The following ADAR variants were observed in gnomAD, a reference collection of about 807,000 sequenced individuals.
The protein encoded by ADAR is double-stranded RNA-specific adenosine deaminase.
A neutral mutation model predicts 113.2 loss-of-function variants in ADAR; 41 were observed. That is an observed-to-expected ratio of 0.36 (90% confidence interval 0.28 to 0.47). The LOEUF is 0.47. ADAR is among the 20% of genes least tolerant of loss of function. The probability of loss-of-function intolerance (pLI) is 1.00; values close to 1 mark genes in which losing one functional copy is unlikely to be tolerated. For synonymous variants in ADAR, 605 were observed against 572.6 expected, an observed-to-expected ratio of 1.06 and a Z score of -0.81; for missense variants, 1,242 against 1,540.9, an observed-to-expected ratio of 0.81 and a Z score of 3.25.
chr1:154,589,718 G>A, intron 8 of ADAR, 39 bp downstream of exon 8: 2 of 1,613,712 alleles, frequency 1.2e-6, no homozygotes, highest in Non-Finnish European at 8.5e-7. Flanking sequence ...CCCGCTTTCA[G>A]GCGCCATGGG....
At chr1:154,606,321 C>T (rs933998952) in intron 1 of ADAR, among the ~76,000 whole-genome samples, 4 of 152,196 alleles carry the variant, frequency 2.6e-5, no homozygotes, top group African/African-American at 9.7e-5. Context: ...CATGAGCTAC[C>T]ACGCCCGGCC....
chr1:154,597,256 C>T lies in ADAR; in HGVS notation c.1946G>A (p.Cys649Tyr). 6.2e-7 allele frequency: 1 copy of T among 1,614,174 alleles called. No homozygotes were observed. The highest frequency in any genetic ancestry group is 8.5e-7 in the Non-Finnish European group (1 of 1,180,024). Reference sequence around the variant, plus strand: ...GAAAGTTTGGGCTCCCACTGCAACACAGTATTGGAACCTGACAGGAGATGA... The same window carrying T: ...GAAAGTTTGGGCTCCCACTGCAACATAGTATTGGAACCTGACAGGAGATGA... ...GPAHEPKFQY[C>Y]VAVGAQTFPS... The change falls in exon 5 of 15, where the codon TGT (cysteine) becomes TAT (tyrosine). Residue 649 changes from cysteine (C) to tyrosine (Y), a missense_variant. Physicochemically the swap from Cys to Tyr is radical, Grantham distance 194. Coordinates refer to ENST00000368474, the MANE Select transcript of ADAR (RefSeq NM_001111.5).
intron 1 of ADAR, among the ~76,000 whole-genome samples, chr1:154,625,417 C>T (rs747033817): frequency 2.6e-5 from 4 of 152,138 alleles, no homozygotes; most frequent in Admixed American, 6.5e-5. Flanking sequence ...CCAGCTTTGC[C>T]GTTAATTAAT....
intron 1 of ADAR, among the ~76,000 whole-genome samples, chr1:154,615,221 A>AT (rs894073890): frequency 3.3e-5 from 5 of 152,112 alleles, no homozygotes; most frequent in African/African-American, 1.2e-4. Flanking sequence ...GTTTGTGGTT[A>AT]TTTTTTTACA....
chr1:154,601,661 G>T lies in ADAR; in HGVS notation c.981C>A (p.Ala327=). The T allele has an allele frequency of 6.2e-7, 1 of 1,614,014 alleles. No individual in the cohort carries two copies. The highest frequency in any genetic ancestry group is 8.5e-7 in the Non-Finnish European group (1 of 1,180,034). ...CAATTAGCACAGCATTTATATCTCG[G>T]GCCTTGGTAAGGCCAATATTTTTAG... ...NLAKNIGLTK[A]RDINAVLIDM... The change falls in exon 2 of 15, where the codon GCC becomes GCA. Residue 327 remains alanine, a synonymous_variant. Coordinates refer to ENST00000368474, the MANE Select transcript of ADAR (RefSeq NM_001111.5). This position sits in a 1 kb window ranked among gnomAD's most constrained non-coding sequence, Gnocchi z 4.7.
At position 154,586,289 on chromosome 1, in the gene ADAR, G is replaced by A. The variant is rs762747734; in HGVS notation, c.3094C>T (p.Arg1032Cys). The stretch of plus-strand genomic sequence containing the variant: ...ATTTTGTCACTACAGGACATGGTAC[G>A]GAGTCTCTCCCCGAGCCGAATGCCA... ...WDGIRLGERL[R>C]TMSCSDKILR... The change falls in exon 12 of 15, where the codon CGT becomes TGT. Residue 1032 changes from arginine to cysteine, a missense_variant. Arg to Cys is a radical substitution (Grantham distance 180). Coordinates refer to ENST00000368474, the MANE Select transcript of ADAR (RefSeq NM_001111.5). 2.5e-6 allele frequency: 4 copies of A among 1,614,174 alleles called. No individual in the cohort carries two copies. The highest frequency in any genetic ancestry group is 2.2e-5 in the East Asian group (1 of 44,882).
In ADAR at chr1:154,606,615, A is replaced by C. The variant is rs568311547; in HGVS notation, c.15+1377T>G. 1.3e-4 allele frequency among the ~76,000 whole-genome samples: 20 copies of C among 152,220 alleles called. No individual in the cohort carries two copies. In the South Asian group the frequency reaches 3.5e-3, roughly 27 times the overall value. ...TTAATCTTTCTTTTTGCCCCCCTTA[A>C]ATCCCCTAAACACCAAGCCACCGTT... On this transcript the variant is annotated intron_variant, in intron 1 of 14. Coordinates refer to ENST00000368474, the MANE Select transcript of ADAR (RefSeq NM_001111.5).
chr1:154,620,870 C>G (rs1277340714), intron 1 of ADAR, among the ~76,000 whole-genome samples: 1 of 152,086 alleles, frequency 6.6e-6, no homozygotes, highest in Non-Finnish European at 1.5e-5. Flanking sequence ...CATAGTTATG[C>G]TCCCATGAAA....
chr1:154,597,897 C>T lies in ADAR; in HGVS notation c.1865G>A (p.Cys622Tyr), dbSNP rs776484151. 2 of 1,614,164 alleles carry T rather than the reference C, an allele frequency of 1.2e-6. No individual in the cohort carries two copies. The highest frequency in any genetic ancestry group is 2.2e-5 in the East Asian group (1 of 44,880). The change falls in exon 4 of 15, where the codon TGT becomes TAT. Residue 622 changes from cysteine (C) to tyrosine (Y), a missense_variant. This residue lies in a region of ADAR where 780 missense variants were observed against 1,057.9 expected (regional missense o/e 0.74). Transcript: ENST00000368474. The stretch of plus-strand genomic sequence containing the variant: ...GCAGGAGTTCCCCAATTTGTGCATA[C>T]ACTCAAGCAGTGTGGTGACGGGGCT... The part of the protein sequence containing the change: ...GKSPVTTLLE[C>Y]MHKLGNSCEF...
chr1:154,608,224 G>A (rs2101671606), upstream of ADAR: 2 of 569,386 alleles, frequency 3.5e-6, no homozygotes, highest in South Asian at 4.9e-5. Context: ...CTTCCCCTCC[G>A]GAAAGTTTGG....
chr1:154,584,065 A>C lies in ADAR; in HGVS notation c.*741T>G, dbSNP rs1004294987. On this transcript the variant is annotated 3_prime_UTR_variant, in exon 15 of 15. Coordinates refer to ENST00000368474, the MANE Select transcript of ADAR (RefSeq NM_001111.5). Reference sequence around the variant, plus strand: ...TGCTATTGCTTGAGCAGCTCCCTTAACCCAGTCTGGCTGGTTCTAGACTTC... The same window carrying C: ...TGCTATTGCTTGAGCAGCTCCCTTACCCCAGTCTGGCTGGTTCTAGACTTC... The C allele has an allele frequency of 6.6e-6, 1 of 152,114 alleles. No individual in the cohort carries two copies. The highest frequency in any genetic ancestry group is 1.5e-5 in the Non-Finnish European group (1 of 68,080). The allele number at this position is 152,114 out of a possible 1,614,324, so 9.4% of individuals were successfully genotyped here.
At chr1:154,586,145 A>G (rs2101565465) in intron 12 of ADAR, 36 bp downstream of exon 12, 11 of 1,612,418 alleles carry the variant, frequency 6.8e-6, no homozygotes, top group Non-Finnish European at 9.3e-6. Flanking sequence ...CACAAGAAGG[A>G]CAGACCAGTT....
chr1:154,623,853 A>G (rs1283779048), intron 1 of ADAR, among the ~76,000 whole-genome samples: 1 of 152,086 alleles, frequency 6.6e-6, no homozygotes, highest in Non-Finnish European at 1.5e-5. Flanking sequence ...AAATACAAAA[A>G]TTAGCCGGGG....
In ADAR at chr1:154,585,197, G is replaced by T; in HGVS notation, c.3443+20C>A. On this transcript the variant is annotated intron_variant, in intron 14 of 14. Coordinates refer to ENST00000368474, the MANE Select transcript of ADAR (RefSeq NM_001111.5). Reference sequence around the variant, plus strand: ...TCAGGGCAGAGGCTTGGTCCTCACTGCGCTCTCCTGTCTCCTTACCCATCC... The same window carrying T: ...TCAGGGCAGAGGCTTGGTCCTCACTTCGCTCTCCTGTCTCCTTACCCATCC... 6.2e-7 allele frequency: 1 copy of T among 1,614,100 alleles called. No individual in the cohort carries two copies. Among genetic ancestry groups the T allele is most frequent in the Non-Finnish European group, 8.5e-7 (1 of 1,180,024 alleles).
chr1:154,600,963 C>T, intron 2 of ADAR, 78 bp downstream of exon 2: 1 of 1,596,968 alleles, frequency 6.3e-7, no homozygotes, highest in Non-Finnish European at 8.6e-7. Flanking sequence ...CAGCACTGCT[C>T]ACAAATCAGC....
rs773130899 is a variant in ADAR, at chr1:154,602,622, T to C, written c.20A>G (p.Tyr7Cys). Residue 7 changes from tyrosine (Y) to cysteine (C), a missense_variant, in exon 2 of 15, where the codon TAT (tyrosine) becomes TGT (cysteine). By Grantham distance (194) the Tyr-to-Cys change is radical. Coordinates refer to ENST00000368474, the MANE Select transcript of ADAR (RefSeq NM_001111.5). MNPRQG[Y>C]SLSGYYTHPF... The stretch of plus-strand genomic sequence containing the variant: ...ATGGGTGTAGTATCCGCTGAGGGAA[T>C]ACCCCTGCAGAATAAGACAGTGGAA... 2 of 1,613,784 alleles carry C rather than the reference T, an allele frequency of 1.2e-6. No individual in the cohort carries two copies. The highest frequency in any genetic ancestry group is 2.7e-5 in the African/African-American group (2 of 74,940).
In ADAR at chr1:154,583,921, C is replaced by CG. The variant is rs1313747038; in HGVS notation, c.*884dup. 6.6e-6 allele frequency: 1 copy of CG among 152,142 alleles called. No homozygotes were observed. Among genetic ancestry groups the CG allele is most frequent in the Non-Finnish European group, 1.5e-5 (1 of 68,032 alleles). 9.4% of individuals were successfully genotyped at this position (152,142 alleles called of 1,614,324 possible). A position where few individuals can be genotyped will look rare whatever the true frequency, so the allele number is the denominator to read the frequency against. On this transcript the variant is annotated 3_prime_UTR_variant, in exon 15 of 15. Coordinates refer to ENST00000368474, the MANE Select transcript of ADAR (RefSeq NM_001111.5). Reference sequence around the variant, plus strand: ...GGCTAGGGTGTACGCCCAGCATTGGCGGGGAAAATATTCCTAGGAATGCTT... The same window carrying CG: ...GGCTAGGGTGTACGCCCAGCATTGGCGGGGGAAAATATTCCTAGGAATGCTT...
chr1:154,614,005 T>C (rs1055440580), intron 1 of ADAR, among the ~76,000 whole-genome samples: 1 of 151,576 alleles, frequency 6.6e-6, no homozygotes, highest in South Asian at 2.1e-4. Context: ...CAGTAAGTTA[T>C]CTAGTAACAA....
upstream of ADAR, chr1:154,608,311 T>G (rs1004107603): frequency 1.5e-5 from 7 of 462,980 alleles, no homozygotes; most frequent in African/African-American, 4.2e-5. Context: ...CTCCGCTGCA[T>G]GAGAACTACG....
Sources: allele counts gnomAD v4.1 joint callset (sites outside exome capture counted in the v4.1 genomes callset), GRCh38; gene constraint gnomAD v4.1.1; regional missense constraint gnomAD v4.1.1; non-coding constraint Gnocchi (gnomAD v3.1); transcripts MANE v1.5; gene names NCBI Gene and HGNC (gene_info 2026-07-23, HGNC 2026-07-21).